ARB2A: variants seen among roughly 807,000 people sequenced by gnomAD.
The protein encoded by ARB2A is cotranscriptional regulator ARB2A.
At chr5:94,088,737 A>C in the ARB2A span, among the ~76,000 whole-genome samples, 1 of 152,222 alleles carries the variant, frequency 6.6e-6, no homozygotes. Context: ...GTGTCATTTA[A>C]GCACTTTTCT....
the ARB2A span, among the ~76,000 whole-genome samples, chr5:93,976,899 T>G: frequency 6.6e-6 from 1 of 152,060 alleles, no homozygotes; most frequent in African/African-American, 2.4e-5. Flanking sequence ...ATAAATGACT[T>G]CAGCGAACTC....
At chr5:93,811,185 G>T in the ARB2A span, among the ~76,000 whole-genome samples, 1 of 152,062 alleles carries the variant, frequency 6.6e-6, no homozygotes, top group Non-Finnish European at 1.5e-5. Flanking sequence ...TTTGAAGCAT[G>T]GAATGAGCCA....
chr5:93,857,049 C>G, the ARB2A span, among the ~76,000 whole-genome samples: 1 of 152,190 alleles, frequency 6.6e-6, no homozygotes, highest in Non-Finnish European at 1.5e-5. Context: ...GAGGTCCACT[C>G]CAGACCCTAT....
chr5:93,870,297 A>T, the ARB2A span, among the ~76,000 whole-genome samples: 1 of 152,208 alleles, frequency 6.6e-6, no homozygotes, highest in Non-Finnish European at 1.5e-5. Context: ...TTTAAATGAG[A>T]TAGATCCAAA....
the ARB2A span, among the ~76,000 whole-genome samples, chr5:94,088,221 C>T: frequency 6.6e-6 from 1 of 152,046 alleles, no homozygotes; most frequent in African/African-American, 2.4e-5. Context: ...TTACTAAAAC[C>T]CAATTGATTC....
the ARB2A span, among the ~76,000 whole-genome samples, chr5:93,974,226 A>C: frequency 6.6e-6 from 1 of 152,198 alleles, no homozygotes; most frequent in African/African-American, 2.4e-5. Flanking sequence ...TCTCAAAGTA[A>C]AGATCTATCT....
the ARB2A span, among the ~76,000 whole-genome samples, chr5:93,945,284 G>C: frequency 6.6e-6 from 1 of 152,080 alleles, no homozygotes; most frequent in African/African-American, 2.4e-5. Flanking sequence ...TGTGGTGGCA[G>C]GTGCCTGTAA....
At chr5:93,669,992 C>T in the ARB2A span, among the ~76,000 whole-genome samples, 1 of 152,102 alleles carries the variant, frequency 6.6e-6, no homozygotes, top group African/African-American at 2.4e-5. Context: ...ATTTTCCCTC[C>T]CAAACCTGTT....
the ARB2A span, among the ~76,000 whole-genome samples, chr5:93,697,114 G>A: frequency 6.8e-5 from 10 of 148,138 alleles, no homozygotes; most frequent in East Asian, 2.0e-4. Context: ...AGATCTTCCC[G>A]TCGTAGTGAG....
the ARB2A span, among the ~76,000 whole-genome samples, chr5:93,676,803 C>A: frequency 6.6e-6 from 1 of 152,132 alleles, no homozygotes; most frequent in South Asian, 2.1e-4. Flanking sequence ...GAGCAGGGAC[C>A]ATGTATCCAG....
the ARB2A span, among the ~76,000 whole-genome samples, chr5:93,763,437 A>G: frequency 9.8e-5 from 15 of 152,338 alleles, no homozygotes; most frequent in South Asian, 1.4e-3. Flanking sequence ...ACTAAGATCA[A>G]AAGAGACAAA....
At chr5:93,976,077 T>G in the ARB2A span, among the ~76,000 whole-genome samples, 4 of 152,158 alleles carry the variant, frequency 2.6e-5, no homozygotes, top group Non-Finnish European at 5.9e-5. Flanking sequence ...AATGCAAGGA[T>G]AGTTCACCAT....
the ARB2A span, among the ~76,000 whole-genome samples, chr5:93,983,330 T>C: frequency 6.6e-6 from 1 of 152,056 alleles, no homozygotes; most frequent in Non-Finnish European, 1.5e-5. Flanking sequence ...TAAAAAGTAT[T>C]TTTTGTACCA....
chr5:93,958,509 C>A, the ARB2A span, among the ~76,000 whole-genome samples: 1 of 151,836 alleles, frequency 6.6e-6, no homozygotes, highest in African/African-American at 2.4e-5. Context: ...AAAATATTAA[C>A]CCTGTCATAT....
the ARB2A span, among the ~76,000 whole-genome samples, chr5:93,721,093 C>T: frequency 6.6e-6 from 1 of 152,068 alleles, no homozygotes; most frequent in African/African-American, 2.4e-5. Flanking sequence ...AGGAAACAGG[C>T]TAATTCTCTC....
At chr5:94,028,049 G>C in the ARB2A span, among the ~76,000 whole-genome samples, 2 of 152,214 alleles carry the variant, frequency 1.3e-5, no homozygotes, top group Admixed American at 1.3e-4. Context: ...CTTCTGTGTC[G>C]ATTGTTGTTG....
the ARB2A span, among the ~76,000 whole-genome samples, chr5:94,065,859 A>C: frequency 6.6e-6 from 1 of 152,164 alleles, no homozygotes; most frequent in Admixed American, 6.5e-5. Flanking sequence ...TTTAAACTAC[A>C]CATTAGATCA....
At chr5:93,976,331 A>G in the ARB2A span, among the ~76,000 whole-genome samples, 1 of 152,180 alleles carries the variant, frequency 6.6e-6, no homozygotes, top group Non-Finnish European at 1.5e-5. Flanking sequence ...GGCAAAAGTT[A>G]GAAGTATTCC....
chr5:93,657,058 C>T, the ARB2A span, among the ~76,000 whole-genome samples: 3 of 152,050 alleles, frequency 2.0e-5, no homozygotes, highest in Non-Finnish European at 4.4e-5. Context: ...AGAGAGAAGA[C>T]TGAAAATTGT....
Sources: gnomAD v4.1 joint callset for allele counts (sites outside exome capture counted in the v4.1 genomes callset) on GRCh38, gnomAD v4.1.1 for gene constraint, MANE v1.5 for transcripts, NCBI Gene and HGNC (gene_info 2026-07-23, HGNC 2026-07-21) for gene names.